ACACA: variants seen among roughly 807,000 people sequenced by gnomAD.
The protein encoded by ACACA is acetyl-CoA carboxylase 1.
A neutral mutation model predicts 296.1 loss-of-function variants in ACACA; 103 were observed. The observed-to-expected ratio is 0.35, with a 90% confidence interval of 0.30 to 0.41. The LOEUF (loss-of-function observed/expected upper bound fraction) is 0.41, where lower values mean the gene tolerates loss of function less well. Ranked by LOEUF, ACACA falls within the 10% of genes least tolerant of loss-of-function variation. The pLI is 1.00. For synonymous variants in ACACA, 953 were observed against 1,038.6 expected (o/e 0.92, Z 1.58); for missense variants, 1,554 against 2,989.7 (o/e 0.52, Z 11.20).
At chr17:37,092,161 TC>T (rs1414267403) in intron 54 of ACACA, among the ~76,000 whole-genome samples, 2 of 151,218 alleles carry the variant, frequency 1.3e-5, no homozygotes, top group Non-Finnish European at 2.9e-5. Context: ...ATGCCTATAG[TC>T]CCAGCTACTT....
chr17:37,139,649 G>C (rs1046538714), intron 45 of ACACA, among the ~76,000 whole-genome samples: 12 of 152,220 alleles, frequency 7.9e-5, no homozygotes, highest in Non-Finnish European at 1.3e-4. Flanking sequence ...CAACAAGGCA[G>C]AGGAGGAGAA....
At chr17:37,382,099 ATTC>A (rs1428945398) in intron 1 of ACACA, among the ~76,000 whole-genome samples, 1 of 152,064 alleles carries the variant, frequency 6.6e-6, no homozygotes, top group Non-Finnish European at 1.5e-5. Context: ...ATCTATATAT[ATTC>A]TTCTTGTATA....
chr17:37,243,589 C>A (rs1186369574), intron 21 of ACACA, 30 bp from the exon 22 acceptor site: 1 of 1,603,890 alleles, frequency 6.2e-7, no homozygotes, highest in Non-Finnish European at 8.5e-7. Context: ...AAAATAGGAC[C>A]CAAGTTAACA....
At chr17:37,346,060 A>C (rs2048599140) in intron 1 of ACACA, among the ~76,000 whole-genome samples, 1 of 152,204 alleles carries the variant, frequency 6.6e-6, no homozygotes, top group African/African-American at 2.4e-5. Context: ...CCTGGGCGAC[A>C]GAGAGGGACC....
chr17:37,293,224 T>C (rs1055413080), intron 3 of ACACA, among the ~76,000 whole-genome samples: 2 of 152,238 alleles, frequency 1.3e-5, no homozygotes, highest in African/African-American at 4.8e-5. Context: ...ATAAATAACC[T>C]TTTCAAATCT....
chr17:37,251,660 T>A (rs942696985), intron 16 of ACACA, among the ~76,000 whole-genome samples: 2 of 152,212 alleles, frequency 1.3e-5, no homozygotes, highest in African/African-American at 4.8e-5. Flanking sequence ...ATGAAATATT[T>A]AGGGTTCAGT....
chr17:37,344,886 T>C (rs2048546413), intron 1 of ACACA, among the ~76,000 whole-genome samples: 1 of 152,222 alleles, frequency 6.6e-6, no homozygotes, highest in East Asian at 1.9e-4. Flanking sequence ...TGAAGTCAGG[T>C]GCCTGCTGCT....
chr17:37,289,264 A>G (rs1345817397), intron 3 of ACACA, among the ~76,000 whole-genome samples: 3 of 151,400 alleles, frequency 2.0e-5, no homozygotes, highest in Non-Finnish European at 4.4e-5. Context: ...TCCATCTCAA[A>G]AAAAAAACAA....
chr17:37,182,215 G>A (rs2077352671), intron 39 of ACACA, among the ~76,000 whole-genome samples: 1 of 152,014 alleles, frequency 6.6e-6, no homozygotes, highest in Admixed American at 6.6e-5. Flanking sequence ...GCTATGCAAA[G>A]GCTTCAAAGA....
At chr17:37,405,560 T>C (rs142613859) in intron 1 of ACACA, among the ~76,000 whole-genome samples, 354 of 152,300 alleles carry the variant, frequency 2.3e-3, no homozygotes, top group Non-Finnish European at 3.8e-3. Flanking sequence ...TTTCCTTTTC[T>C]TTTCTTTTTG....
chr17:37,237,992 C>T (rs1464290182), intron 24 of ACACA, among the ~76,000 whole-genome samples: 5 of 152,166 alleles, frequency 3.3e-5, no homozygotes. Flanking sequence ...AACTCCTGGG[C>T]TCAAGCAATC....
intron 10 of ACACA, among the ~76,000 whole-genome samples, chr17:37,268,741 C>A (rs1054022839): frequency 0.063 from 5,879 of 93,718 alleles, 348 homozygotes; most frequent in African/African-American, 0.17. Flanking sequence ...ATCTATCTAT[C>A]TATATATATA....
At chr17:37,272,982 A>C (rs1173040783) in intron 9 of ACACA, among the ~76,000 whole-genome samples, 1 of 152,198 alleles carries the variant, frequency 6.6e-6, no homozygotes, top group Non-Finnish European at 1.5e-5. Context: ...GTTTATAATT[A>C]TAACCAGAAA....
At chr17:37,202,248 C>T (rs2078281962) in intron 33 of ACACA, among the ~76,000 whole-genome samples, 1 of 152,146 alleles carries the variant, frequency 6.6e-6, no homozygotes, top group Non-Finnish European at 1.5e-5. Flanking sequence ...TTTAATAATG[C>T]CATGATTTAA....
At chr17:37,220,853 A>G (rs182139175) in intron 29 of ACACA, among the ~76,000 whole-genome samples, 42 of 152,328 alleles carry the variant, frequency 2.8e-4, no homozygotes, top group Admixed American at 1.6e-3. Flanking sequence ...TCTGGTGTCT[A>G]TAACTAAGGT....
intron 41 of ACACA, among the ~76,000 whole-genome samples, chr17:37,172,982 C>T (rs938412354): frequency 1.4e-4 from 22 of 152,172 alleles, no homozygotes; most frequent in Non-Finnish European, 2.8e-4. Flanking sequence ...AAAAGACTGA[C>T]ACTGACTCAA....
At chr17:37,099,370 A>G (rs781186731) in intron 52 of ACACA, among the ~76,000 whole-genome samples, 26 of 152,168 alleles carry the variant, frequency 1.7e-4, no homozygotes, top group Non-Finnish European at 3.1e-4. Context: ...ACACCTGAAC[A>G]GCATGAACGC....
intron 25 of ACACA, among the ~76,000 whole-genome samples, chr17:37,227,877 A>C (rs1422001162): frequency 1.3e-5 from 2 of 151,268 alleles, no homozygotes; most frequent in Admixed American, 6.6e-5. Context: ...AAAAAAAAAA[A>C]ATTTTTTTTA....
chr17:37,162,664 C>T, intron 41 of ACACA: 1 of 286,010 alleles, frequency 3.5e-6, no homozygotes, highest in South Asian at 3.4e-5. Context: ...GGGTTGCTGC[C>T]TGCCCACCCC....
Sources: gnomAD v4.1 joint callset for allele counts (sites outside exome capture counted in the v4.1 genomes callset) on GRCh38, gnomAD v4.1.1 for gene constraint, MANE v1.5 for transcripts, NCBI Gene and HGNC (gene_info 2026-07-23, HGNC 2026-07-21) for gene names.